The following ADGRB3 variants were observed in gnomAD, a reference collection of about 807,000 sequenced individuals.
ADGRB3 encodes brain-specific angiogenesis inhibitor 3.
ADGRB3 carries 37 observed loss-of-function variants against 193.4 expected under a neutral mutation model. That is an observed-to-expected ratio of 0.19 (90% confidence interval 0.15 to 0.25). The LOEUF (loss-of-function observed/expected upper bound fraction) is 0.25. ADGRB3 is among the 10% of genes least tolerant of loss of function. ADGRB3 has a pLI of 1.00. For synonymous variants in ADGRB3, 690 were observed against 644.2 expected, an observed-to-expected ratio of 1.07 and a Z score of -1.08; for missense variants, 1,637 against 1,852.9, an observed-to-expected ratio of 0.88 and a Z score of 2.14.
At chr6:69,378,668 A>G (rs549606970) in intron 30 of ADGRB3, among the ~76,000 whole-genome samples, 1 of 152,124 alleles carries the variant, frequency 6.6e-6, no homozygotes, top group East Asian at 1.9e-4. Context: ...CTAAAAGGAG[A>G]TTAGATTTTA....
At chr6:68,913,732 A>T (rs1032606704) in intron 3 of ADGRB3, among the ~76,000 whole-genome samples, 1 of 152,238 alleles carries the variant, frequency 6.6e-6, no homozygotes, top group Non-Finnish European at 1.5e-5. Context: ...GCTTCAGACG[A>T]TCAAACTACT....
intron 20 of ADGRB3, among the ~76,000 whole-genome samples, chr6:69,246,010 G>GATAGTGTGGGTT (rs1766491885): frequency 1.3e-5 from 2 of 152,224 alleles, no homozygotes; most frequent in African/African-American, 4.8e-5. Context: ...CCCTAGACAG[G>GATAGTGTGGGTT]ATCTCAGCTA....
chr6:69,253,367 G>A (rs1458692634), intron 20 of ADGRB3, among the ~76,000 whole-genome samples: 1 of 151,928 alleles, frequency 6.6e-6, no homozygotes, highest in East Asian at 1.9e-4. Context: ...AATTTTCTTA[G>A]TATTATATTG....
intron 17 of ADGRB3, among the ~76,000 whole-genome samples, chr6:69,083,855 A>G (rs1330703063): frequency 2.0e-5 from 3 of 149,064 alleles, no homozygotes; most frequent in Non-Finnish European, 3.0e-5. Context: ...GCTCACTGCA[A>G]TCTCTGCCTT....
chr6:68,683,563 T>C (rs1443629631), intron 3 of ADGRB3, among the ~76,000 whole-genome samples: 1 of 152,164 alleles, frequency 6.6e-6, no homozygotes, highest in Non-Finnish European at 1.5e-5. Context: ...TTAATTTTTC[T>C]ACAATATGTA....
At chr6:68,787,977 A>G (rs1287501163) in intron 3 of ADGRB3, among the ~76,000 whole-genome samples, 2 of 152,032 alleles carry the variant, frequency 1.3e-5, no homozygotes, top group Non-Finnish European at 2.9e-5. Flanking sequence ...GGTAGTTTGT[A>G]TTTCTGTGGG....
At position 68,870,743 on chromosome 6, in the gene ADGRB3, T is replaced by C. The variant is rs558735052; in HGVS notation, c.758-59816T>C. On this transcript the variant is annotated intron_variant, in intron 3 of 31. Transcript: ENST00000370598. ...TATTGAACATTTCTGAGATTTAGTTTCCTCATGTTTAATATGAGGAGAGAA... is the reference window on the plus strand; with the variant it reads ...TATTGAACATTTCTGAGATTTAGTTCCCTCATGTTTAATATGAGGAGAGAA... Among the ~76,000 whole-genome samples the C allele has an allele frequency of 1.6e-4, 24 of 152,358 alleles. 1 individual carries two copies. The South Asian group carries it at 4.8e-3, about 30-fold the overall frequency.
chr6:68,877,261 T>C (rs1765619323), intron 3 of ADGRB3, among the ~76,000 whole-genome samples: 1 of 152,048 alleles, frequency 6.6e-6, no homozygotes, highest in Non-Finnish European at 1.5e-5. Flanking sequence ...TTTCTAGACA[T>C]TATTAGTCTA....
rs544382908 is a variant in ADGRB3, at chr6:69,246,687, G to A, written c.2814+7461G>A. 3.5e-4 allele frequency among the ~76,000 whole-genome samples: 53 copies of A among 152,302 alleles called. 1 individual carries two copies. The highest frequency in any genetic ancestry group is 1.3e-3 in the African/African-American group (52 of 41,556). On this transcript the variant is annotated intron_variant, in intron 20 of 31. Coordinates refer to ENST00000370598, the MANE Select transcript of ADGRB3 (RefSeq NM_001704.3). ...AATATGAAGGATGGGCTCAGGGCAA[G>A]CAAAGAAGATGAAAGTGGAATTACT...
intron 6 of ADGRB3, among the ~76,000 whole-genome samples, chr6:68,951,276 G>T (rs1351169194): frequency 2.0e-5 from 3 of 152,120 alleles, no homozygotes; most frequent in Non-Finnish European, 4.4e-5. Flanking sequence ...AAAAGTGGAG[G>T]TCAGGGAGGC....
At chr6:68,905,379 G>A (rs1227818789) in intron 3 of ADGRB3, among the ~76,000 whole-genome samples, 1 of 152,088 alleles carries the variant, frequency 6.6e-6, no homozygotes, top group Non-Finnish European at 1.5e-5. Flanking sequence ...TAATTAATAA[G>A]TTAATTCTAT....
At chr6:69,143,176 G>A (rs1004023688) in intron 17 of ADGRB3, among the ~76,000 whole-genome samples, 5 of 151,962 alleles carry the variant, frequency 3.3e-5, no homozygotes, top group African/African-American at 7.3e-5. Context: ...CCATTTGTAC[G>A]TCTTGTTTTG....
intron 3 of ADGRB3, among the ~76,000 whole-genome samples, chr6:68,842,885 A>T (rs1007623727): frequency 6.6e-6 from 1 of 152,034 alleles, no homozygotes; most frequent in African/African-American, 2.4e-5. Context: ...ATCAATCAAT[A>T]TGAAACATCA....
At chr6:68,998,506 A>G (rs1385192642) in intron 11 of ADGRB3, among the ~76,000 whole-genome samples, 1 of 152,244 alleles carries the variant, frequency 6.6e-6, no homozygotes, top group Non-Finnish European at 1.5e-5. Context: ...ACCAAATTCC[A>G]TTAAAATGGG....
chr6:68,964,421 T>A (rs1467561379), intron 8 of ADGRB3, among the ~76,000 whole-genome samples: 1 of 152,114 alleles, frequency 6.6e-6, no homozygotes, highest in African/African-American at 2.4e-5. Context: ...CAGTCTTCAG[T>A]AGCCTTGCCT....
At chr6:68,928,067 ATAT>A (rs77267825) in intron 3 of ADGRB3, among the ~76,000 whole-genome samples, 19,631 of 152,080 alleles carry the variant, frequency 0.13, 1,306 homozygotes, top group African/African-American at 0.14. Context: ...AATTTCTAGG[ATAT>A]TGAAATTTAA....
At chr6:69,353,086 C>A (rs948832066) in intron 26 of ADGRB3, among the ~76,000 whole-genome samples, 1 of 152,100 alleles carries the variant, frequency 6.6e-6, no homozygotes, top group Non-Finnish European at 1.5e-5. Flanking sequence ...ATCAACAGCT[C>A]GTGGGGAGCT....
chr6:69,386,827 T>G (rs954226658), intron 31 of ADGRB3, among the ~76,000 whole-genome samples: 7 of 152,228 alleles, frequency 4.6e-5, no homozygotes, highest in African/African-American at 1.7e-4. Context: ...GTGTTTCCTG[T>G]ATAAAGAAGC....
At chr6:68,980,941 A>G (rs1768892273) in intron 10 of ADGRB3, among the ~76,000 whole-genome samples, 1 of 151,570 alleles carries the variant, frequency 6.6e-6, no homozygotes, top group African/African-American at 2.4e-5. Context: ...CAGACCAATT[A>G]AACAGGATTG....
Sources: allele counts gnomAD v4.1 joint callset (sites outside exome capture counted in the v4.1 genomes callset), GRCh38; gene constraint gnomAD v4.1.1; transcripts MANE v1.5; gene names NCBI Gene and HGNC (gene_info 2026-07-23, HGNC 2026-07-21).